Variants in PPFIBP2 observed in about 807,000 individuals in gnomAD.
The protein encoded by PPFIBP2 is PPFIB scaffold protein 2.
PPFIBP2 carries 118 observed loss-of-function variants against 118.3 expected under a neutral mutation model. That is an observed-to-expected ratio of 1.00 (90% CI 0.86 to 1.16). The LOEUF (loss-of-function observed/expected upper bound fraction) is 1.16. PPFIBP2 is among the 50% of genes most tolerant of loss of function. PPFIBP2 has a pLI of 0.00. For missense variants in PPFIBP2, 1,195 were observed against 1,073.1 expected (o/e 1.11, Z -1.59); for synonymous variants, 414 against 397.4 (o/e 1.04, Z -0.50).
chr11:7,588,518 G>A (rs948087265), intron 3 of PPFIBP2, among the ~76,000 whole-genome samples: 5 of 152,192 alleles, frequency 3.3e-5, no homozygotes, highest in Admixed American at 1.3e-4. Flanking sequence ...GCCCAGCCAC[G>A]GCAGTGGTAG....
Position 7,632,994 on chromosome 11 carries a change from C to T in PPFIBP2, c.1136+60C>T, listed in dbSNP as rs1054558094. 125 of 1,474,912 alleles carry T rather than the reference C, an allele frequency of 8.5e-5. 2 individuals carry two copies. In the South Asian group the frequency reaches 1.3e-3, roughly 15 times the overall value. The allele number at this position is 1,474,912 out of a possible 1,614,324, so 91.4% of individuals were successfully genotyped here. A position where few individuals can be genotyped will look rare whatever the true frequency, so the allele number is the denominator to read the frequency against. ...GCTCTCAGGCTTGCCTTGGGGCTGC[C>T]GAAGTAGATGGTGATGACCGTGAAT... On this transcript the variant is annotated intron_variant, in intron 12 of 23. Transcript: ENST00000299492.
At chr11:7,636,910 G>A (rs1182255342) in intron 14 of PPFIBP2, among the ~76,000 whole-genome samples, 4 of 152,130 alleles carry the variant, frequency 2.6e-5, no homozygotes, top group African/African-American at 9.7e-5. Flanking sequence ...TCTTTCTGCA[G>A]CATCCCTAAC....
At chr11:7,601,659 T>C (rs1846645147) in intron 5 of PPFIBP2, among the ~76,000 whole-genome samples, 1 of 152,132 alleles carries the variant, frequency 6.6e-6, no homozygotes, top group African/African-American at 2.4e-5. Flanking sequence ...ACTTTCCCCA[T>C]TAAGAAGAGT....
chr11:7,537,336 T>C (rs980223545), intron 1 of PPFIBP2, among the ~76,000 whole-genome samples: 4 of 152,170 alleles, frequency 2.6e-5, no homozygotes, highest in Non-Finnish European at 5.9e-5. Flanking sequence ...AGGACACTTT[T>C]TTTCCCCCCC....
the PPFIBP2 span, among the ~76,000 whole-genome samples, chr11:7,662,160 A>G: frequency 2.0e-5 from 3 of 150,234 alleles, no homozygotes; most frequent in East Asian, 5.8e-4. Context: ...TAAAGTTAAT[A>G]TTGTTATGTG....
chr11:7,642,511 C>T (rs939257830), intron 17 of PPFIBP2, 85 bp downstream of exon 17: 34 of 1,456,678 alleles, frequency 2.3e-5, no homozygotes, highest in African/African-American at 2.9e-5. Flanking sequence ...AATCTTTACT[C>T]CTGTGTTTTG....
intron 3 of PPFIBP2, among the ~76,000 whole-genome samples, chr11:7,591,408 C>T (rs1249484504): frequency 7.2e-6 from 1 of 138,680 alleles, no homozygotes; most frequent in East Asian, 2.2e-4. Context: ...CACTGGAAAT[C>T]ACCATCATGT....
chr11:7,604,077 G>A (rs1327846581), intron 5 of PPFIBP2, among the ~76,000 whole-genome samples: 2 of 152,204 alleles, frequency 1.3e-5, no homozygotes, highest in Non-Finnish European at 2.9e-5. Context: ...GCGAGGATGT[G>A]GGTGCTCCAG....
chr11:7,559,804 T>G (rs1451568362), intron 2 of PPFIBP2, among the ~76,000 whole-genome samples: 1 of 152,212 alleles, frequency 6.6e-6, no homozygotes, highest in East Asian at 1.9e-4. Context: ...CCTCCCTATA[T>G]CTGGGTATTT....
In PPFIBP2 at chr11:7,639,728, A is replaced by G. The variant is rs765150614; in HGVS notation, c.1237-4A>G. 3 of 1,613,960 alleles carry G rather than the reference A, an allele frequency of 1.9e-6. No individual in the cohort carries two copies. The highest frequency in any genetic ancestry group is 2.2e-5 in the South Asian group (2 of 91,026). On this transcript the variant is annotated splice_region_variant and splice_polypyrimidine_tract_variant and intron_variant, in intron 14 of 23. Coordinates refer to ENST00000299492, the MANE Select transcript of PPFIBP2 (RefSeq NM_003621.5). ...ATCTCTCTCTTTCTCTCACCTTCCA[A>G]TAGGACAGCCCTTTCTTGGCGGAGC...
At chr11:7,649,798 G>A (rs180802758) in intron 21 of PPFIBP2, 144 bp downstream of exon 21, 3 of 1,302,312 alleles carry the variant, frequency 2.3e-6, no homozygotes, top group African/African-American at 1.5e-5. Context: ...TGTGCTTCCT[G>A]TTGCCCCAAA....
chr11:7,655,290 G>A (rs922324864), downstream of PPFIBP2: 12 of 493,694 alleles, frequency 2.4e-5, no homozygotes, highest in African/African-American at 2.2e-4. Flanking sequence ...TCACTCCTCA[G>A]GGCCTGGCCC....
chr11:7,657,087 G>A (rs886661401), downstream of PPFIBP2: 3 of 282,364 alleles, frequency 1.1e-5, no homozygotes, highest in East Asian at 2.6e-4. Flanking sequence ...TGACATATCA[G>A]CACACAGACT....
intron 15 of PPFIBP2, chr11:7,641,095 A>G (rs2135893444): frequency 8.0e-7 from 1 of 1,253,564 alleles, no homozygotes; most frequent in Non-Finnish European, 1.0e-6. Context: ...TGAGGTGGAG[A>G]GTGAGAATGC....
At position 7,642,445 on chromosome 11, in the gene PPFIBP2, T is replaced by C. The variant is rs368051958; in HGVS notation, c.1646+19T>C. 1.2e-6 allele frequency: 2 copies of C among 1,602,086 alleles called. No homozygotes were observed. Among genetic ancestry groups the C allele is most frequent in the African/African-American group, 1.3e-5 (1 of 74,532 alleles). The stretch of plus-strand genomic sequence containing the variant: ...AGAAAAGGTAAGGCTTGACCCACTT[T>C]CCTTTGATCTCCCTGCTCTGAAAAA... On this transcript the variant is annotated intron_variant, in intron 17 of 23. Transcript: ENST00000299492.
rs376150144 is a variant in PPFIBP2, at chr11:7,625,810, C to T, written c.745C>T (p.Leu249=). 6.2e-7 allele frequency: 1 copy of T among 1,614,226 alleles called. No homozygotes were observed. The highest frequency in any genetic ancestry group is 8.5e-7 in the Non-Finnish European group (1 of 1,180,024). Residue 249 remains leucine (L), a synonymous_variant, in exon 8 of 24, where the codon CTG becomes TTG. Transcript: ENST00000299492. ...CGCCCAGCTGCAAGAACAGGTGGCC[C>T]TGAAAGATGCAGAAATTGAGCGTCT... is the stretch of plus-strand genomic sequence containing the variant. ...EVAQLQEQVA[L]KDAEIERLHS...
At chr11:7,534,597 A>G (rs754254372) in intron 1 of PPFIBP2, among the ~76,000 whole-genome samples, 4 of 152,166 alleles carry the variant, frequency 2.6e-5, no homozygotes, top group African/African-American at 4.8e-5. Flanking sequence ...CACATTGCCA[A>G]CCGGGTCCTG....
At chr11:7,606,207 G>T (rs1237360731) in intron 5 of PPFIBP2, among the ~76,000 whole-genome samples, 1 of 152,150 alleles carries the variant, frequency 6.6e-6, no homozygotes, top group African/African-American at 2.4e-5. Context: ...AAGTTGGGTT[G>T]GTGGAAGCTG....
chr11:7,614,333 A>C (rs918570121), intron 6 of PPFIBP2, among the ~76,000 whole-genome samples: 1 of 152,256 alleles, frequency 6.6e-6, no homozygotes, highest in Admixed American at 6.5e-5. Context: ...ATGTGGATAC[A>C]CACAGACACA....
Sources: allele counts gnomAD v4.1 joint callset (sites outside exome capture counted in the v4.1 genomes callset), GRCh38; gene constraint gnomAD v4.1.1; transcripts MANE v1.5; gene names NCBI Gene and HGNC (gene_info 2026-07-23, HGNC 2026-07-21).